ASTN1: variants seen among roughly 807,000 people sequenced by gnomAD.
ASTN1 encodes astrotactin-1.
ASTN1 carries 41 observed loss-of-function variants against 140.7 expected under a neutral mutation model. The ratio of observed to expected loss-of-function variants is 0.29; its 90% CI spans 0.23 to 0.38. ASTN1 has a LOEUF of 0.38. Among genes scored for constraint, ASTN1 ranks in the 10% least tolerant of loss-of-function variants. The pLI, the probability that ASTN1 is intolerant of heterozygous loss-of-function variation, is 1.00. For synonymous variants in ASTN1, 640 were observed against 652.2 expected, an observed-to-expected ratio of 0.98 and a Z score of 0.29; for missense variants, 1,479 against 1,678.8, an observed-to-expected ratio of 0.88 and a Z score of 2.08.
In ASTN1 at chr1:176,985,355, C is replaced by T. The variant is rs192051571; in HGVS notation, c.1524-20118G>A. ...GCCCCACTGCCCATGCATTGACACT[C>T]TCCTCTCCTCTCTCCCCCGCTTGTC... On this transcript the variant is annotated intron_variant, in intron 8 of 22. Coordinates refer to ENST00000361833, the MANE Select transcript of ASTN1 (RefSeq NM_004319.3). Among the ~76,000 whole-genome samples the T allele has an allele frequency of 2.1e-3, 313 of 152,184 alleles. 1 individual carries two copies. Among genetic ancestry groups the T allele is most frequent in the Non-Finnish European group, 3.4e-3 (231 of 68,012 alleles).
chr1:177,151,185 T>C (rs192914081), intron 1 of ASTN1, among the ~76,000 whole-genome samples: 35 of 152,220 alleles, frequency 2.3e-4, no homozygotes, highest in Admixed American at 3.9e-4. Flanking sequence ...TGAAATTGTA[T>C]GGGCCTAGAA....
chr1:177,035,547 C>T (rs963344409), intron 2 of ASTN1, among the ~76,000 whole-genome samples: 5 of 152,194 alleles, frequency 3.3e-5, no homozygotes, highest in Non-Finnish European at 4.4e-5. Context: ...AGTAAAAAGA[C>T]GATACTCACA....
At chr1:176,878,132 C>A (rs1394136974) in intron 20 of ASTN1, among the ~76,000 whole-genome samples, 2 of 152,176 alleles carry the variant, frequency 1.3e-5, no homozygotes, top group Non-Finnish European at 2.9e-5. Context: ...ACCACCTGAA[C>A]ACTGGTCTGC....
At chr1:177,079,833 G>A (rs927284568) in intron 1 of ASTN1, among the ~76,000 whole-genome samples, 1 of 151,914 alleles carries the variant, frequency 6.6e-6, no homozygotes, top group African/African-American at 2.4e-5. Context: ...CAGAACGTTC[G>A]CTCATAAACA....
chr1:177,099,276 A>G (rs1252875680), intron 1 of ASTN1, among the ~76,000 whole-genome samples: 3 of 152,186 alleles, frequency 2.0e-5, no homozygotes, highest in Admixed American at 6.5e-5. Flanking sequence ...CAGAGAAAAC[A>G]GGCTGGCAAA....
intron 8 of ASTN1, among the ~76,000 whole-genome samples, chr1:177,011,275 C>CACAT (rs1675277278): frequency 6.6e-6 from 1 of 152,148 alleles, no homozygotes; most frequent in African/African-American, 2.4e-5. Context: ...TTTTTGACCT[C>CACAT]ACATAAGTCA....
intron 1 of ASTN1, among the ~76,000 whole-genome samples, chr1:177,152,640 CTTAA>C (rs971324937): frequency 6.6e-5 from 10 of 151,706 alleles, no homozygotes; most frequent in African/African-American, 2.2e-4. Flanking sequence ...TTAATTATTT[CTTAA>C]TTAATTTAAA....
At chr1:176,995,544 G>A (rs1035153703) in intron 8 of ASTN1, among the ~76,000 whole-genome samples, 1 of 152,122 alleles carries the variant, frequency 6.6e-6, no homozygotes, top group Non-Finnish European at 1.5e-5. Flanking sequence ...AGGATAGCAC[G>A]GCACACACAA....
intron 9 of ASTN1, among the ~76,000 whole-genome samples, chr1:176,960,423 T>C (rs1672608694): frequency 6.6e-6 from 1 of 152,272 alleles, no homozygotes; most frequent in African/African-American, 2.4e-5. Context: ...CTGTGACCTG[T>C]GGTTTACAAT....
At chr1:176,971,065 G>A (rs1352755737) in intron 8 of ASTN1, among the ~76,000 whole-genome samples, 10 of 152,146 alleles carry the variant, frequency 6.6e-5, no homozygotes, top group African/African-American at 2.4e-4. Context: ...ATATTTATAT[G>A]TAATGTGAGA....
At chr1:177,161,003 G>A (rs1647329282) in intron 1 of ASTN1, among the ~76,000 whole-genome samples, 1 of 152,144 alleles carries the variant, frequency 6.6e-6, no homozygotes, top group Non-Finnish European at 1.5e-5. Flanking sequence ...AAAACCATAT[G>A]TAGTCAAACA....
At chr1:176,901,156 A>G (rs1669749533) in intron 16 of ASTN1, among the ~76,000 whole-genome samples, 2 of 152,340 alleles carry the variant, frequency 1.3e-5, no homozygotes, top group Non-Finnish European at 2.9e-5. Flanking sequence ...ATCAATCCAG[A>G]GTGGGTTCTA....
At chr1:177,022,278 T>C (rs1675870459) in intron 7 of ASTN1, among the ~76,000 whole-genome samples, 1 of 152,136 alleles carries the variant, frequency 6.6e-6, no homozygotes, top group Non-Finnish European at 1.5e-5. Flanking sequence ...TGGCTGCACA[T>C]GCTGTACAAA....
intron 8 of ASTN1, among the ~76,000 whole-genome samples, chr1:177,002,772 T>G (rs1431198057): frequency 6.6e-6 from 1 of 152,186 alleles, no homozygotes; most frequent in African/African-American, 2.4e-5. Context: ...TTATTAGCAT[T>G]GTTTTTGCAG....
At chr1:177,057,007 C>A (rs149006584) in intron 2 of ASTN1, among the ~76,000 whole-genome samples, 1 of 152,248 alleles carries the variant, frequency 6.6e-6, no homozygotes, top group African/African-American at 2.4e-5. Flanking sequence ...TTTCATAGTT[C>A]TGAATGTCAA....
At chr1:176,925,552 T>C (rs962728322) in intron 16 of ASTN1, among the ~76,000 whole-genome samples, 1 of 152,182 alleles carries the variant, frequency 6.6e-6, no homozygotes, top group Non-Finnish European at 1.5e-5. Flanking sequence ...GTCATCATTA[T>C]GGATCATGGC....
At chr1:177,001,849 T>C (rs1373899189) in intron 8 of ASTN1, among the ~76,000 whole-genome samples, 3 of 152,208 alleles carry the variant, frequency 2.0e-5, no homozygotes, top group Non-Finnish European at 2.9e-5. Flanking sequence ...TTTCCTAGTG[T>C]AGAATATGTT....
intron 13 of ASTN1, among the ~76,000 whole-genome samples, chr1:176,944,784 A>G (rs991562021): frequency 3.3e-5 from 5 of 152,248 alleles, no homozygotes; most frequent in Non-Finnish European, 5.9e-5. Context: ...AGATCTAGGC[A>G]GAGGCAGTCT....
chr1:176,936,351 T>G lies in ASTN1; in HGVS notation c.2397A>C (p.Glu799Asp). ...DFLTGMVNFS[E>D]VSGYPVLQHW... ...GCTGCAGCACAGGGTACCCAGACAC[T>G]TCACTGAAGTTCACCATCCCTAAGG... The change falls in exon 15 of 23, where the codon GAA becomes GAC. Residue 799 changes from glutamate (E) to aspartate (D), a missense_variant. Physicochemically the swap from Glu to Asp is conservative, Grantham distance 45. This residue lies in a region of ASTN1 where 746 missense variants were observed against 800.9 expected (regional missense o/e 0.93). Transcript: ENST00000361833. 1 of 1,612,516 alleles carries G rather than the reference T, an allele frequency of 6.2e-7. No homozygotes were observed. The highest frequency in any genetic ancestry group is 2.2e-5 in the East Asian group (1 of 44,862).
Sources: allele counts gnomAD v4.1 joint callset (sites outside exome capture counted in the v4.1 genomes callset), GRCh38; gene constraint gnomAD v4.1.1; regional missense constraint gnomAD v4.1.1; transcripts MANE v1.5; gene names NCBI Gene and HGNC (gene_info 2026-07-23, HGNC 2026-07-21).